Variants in MYO10 observed in about 807,000 individuals in gnomAD.
MYO10 encodes the protein unconventional myosin-X.
Under a neutral mutation model 257.3 loss-of-function variants are expected in MYO10, and 133 were observed. That is an observed-to-expected ratio of 0.52 (90% CI 0.45 to 0.60). The LOEUF (loss-of-function observed/expected upper bound fraction) is 0.60, where lower values mean the gene tolerates loss of function less well. Ranked by LOEUF, MYO10 falls within the 20% of genes least tolerant of loss-of-function variation. The pLI is 0.00. For missense variants in MYO10, 2,399 were observed against 2,635.7 expected (o/e 0.91, Z 1.97); for synonymous variants, 1,104 against 1,028.6 (o/e 1.07, Z -1.40).
chr5:16,915,277 T>C (rs1745783263), intron 1 of MYO10, among the ~76,000 whole-genome samples: 1 of 152,212 alleles, frequency 6.6e-6, no homozygotes, highest in Non-Finnish European at 1.5e-5. Flanking sequence ...AGTTCATCTC[T>C]ACATGAGATT....
intron 2 of MYO10, among the ~76,000 whole-genome samples, chr5:16,823,320 C>T (rs780655102): frequency 2.2e-4 from 32 of 147,562 alleles, no homozygotes; most frequent in Non-Finnish European, 3.4e-4. Context: ...TGGCACGTGA[C>T]GGTAATCCCA....
intron 19 of MYO10, among the ~76,000 whole-genome samples, chr5:16,754,145 A>C (rs1229678192): frequency 6.6e-6 from 1 of 152,228 alleles, no homozygotes; most frequent in East Asian, 1.9e-4. Context: ...AATCAAAATA[A>C]TTTAAATGTA....
intron 1 of MYO10, among the ~76,000 whole-genome samples, chr5:16,919,057 C>T (rs1479407412): frequency 1.3e-5 from 2 of 152,086 alleles, no homozygotes; most frequent in African/African-American, 4.8e-5. Context: ...GATTTCCACA[C>T]AGTCTCTATT....
At chr5:16,874,039 A>G (rs916759585) in intron 2 of MYO10, among the ~76,000 whole-genome samples, 6 of 152,312 alleles carry the variant, frequency 3.9e-5, no homozygotes, top group Admixed American at 6.5e-5. Flanking sequence ...TTCTCCCCAG[A>G]AAATGGGATT....
At chr5:16,874,104 G>A (rs952214832) in intron 2 of MYO10, among the ~76,000 whole-genome samples, 26 of 152,092 alleles carry the variant, frequency 1.7e-4, no homozygotes, top group African/African-American at 5.8e-4. Context: ...GGAGGCCAAC[G>A]TGGGTGGATC....
intron 2 of MYO10, among the ~76,000 whole-genome samples, chr5:16,867,489 G>A (rs1021222848): frequency 6.6e-6 from 1 of 152,030 alleles, no homozygotes; most frequent in African/African-American, 2.4e-5. Flanking sequence ...GGGGAGGGGG[G>A]AGCAAAAGAA....
At chr5:16,901,017 C>A (rs1368723618) in intron 1 of MYO10, among the ~76,000 whole-genome samples, 1 of 152,112 alleles carries the variant, frequency 6.6e-6, no homozygotes, top group African/African-American at 2.4e-5. Context: ...TGGCATGAGC[C>A]ACCACGCCTG....
Position 16,754,850 on chromosome 5 carries a change from C to G in MYO10, c.1907G>C (p.Cys636Ser). The G allele has an allele frequency of 6.2e-7, 1 of 1,603,800 alleles. No individual in the cohort carries two copies. Among genetic ancestry groups the G allele is most frequent in the Non-Finnish European group, 8.5e-7 (1 of 1,173,458 alleles). ...TACCTTCTGCATGTTTGGCTTGATA[C>G]AGCGAACAAAGAAAGGATTAGAGGA... ...LSSSNPFFVR[C>S]IKPNMQKMPD... is the part of the protein sequence containing the mutation. Residue 636 changes from cysteine to serine, a missense_variant, in exon 19 of 41, where the codon TGT becomes TCT. Cys to Ser is a moderately radical substitution (Grantham distance 112). Transcript: ENST00000513610.
At chr5:16,741,464 T>C (rs1740015426) in intron 19 of MYO10, among the ~76,000 whole-genome samples, 1 of 152,126 alleles carries the variant, frequency 6.6e-6, no homozygotes, top group African/African-American at 2.4e-5. Flanking sequence ...GAAAAATACT[T>C]TGGAAAAAAT....
At chr5:16,796,211 C>CG (rs1390008021) in intron 3 of MYO10, among the ~76,000 whole-genome samples, 2 of 110,974 alleles carry the variant, frequency 1.8e-5, no homozygotes, top group East Asian at 5.5e-4. Flanking sequence ...AAAGAAAGAA[C>CG]AGAGAGAGAG....
intron 1 of MYO10, among the ~76,000 whole-genome samples, chr5:16,907,357 AC>A (rs1480904795): frequency 1.3e-5 from 2 of 152,124 alleles, no homozygotes; most frequent in Admixed American, 6.6e-5. Context: ...AACAAAGGAA[AC>A]CAAAAATAAT....
intron 17 of MYO10, 118 bp from the exon 18 acceptor site, chr5:16,758,344 T>C: frequency 1.4e-6 from 1 of 717,768 alleles, no homozygotes; most frequent in South Asian, 1.7e-5. Context: ...ACCCTAGGCC[T>C]GGAAGAACTA....
At position 16,821,927 on chromosome 5, in the gene MYO10, A is replaced by G. The variant is rs1274874724; in HGVS notation, c.121-3760T>C. ...CAGAAGGCTAGGAAGAGGGGGAAAA[A>G]AAAAAGCATTATTTCAAGATACAGG... On this transcript the variant is annotated intron_variant, in intron 2 of 40. Transcript: ENST00000513610. Among the ~76,000 whole-genome samples, 4 of 152,090 alleles carry G rather than the reference A, an allele frequency of 2.6e-5. No homozygotes were observed. The East Asian group carries it at 7.7e-4, about 29-fold the overall frequency.
chr5:16,700,439 G>A (rs1737990995), intron 25 of MYO10, among the ~76,000 whole-genome samples: 1 of 152,204 alleles, frequency 6.6e-6, no homozygotes, highest in African/African-American at 2.4e-5. Context: ...CACTTTGGGG[G>A]TCCGAGGCAG....
chr5:16,837,250 C>T (rs1743342702), intron 2 of MYO10, among the ~76,000 whole-genome samples: 2 of 151,934 alleles, frequency 1.3e-5, no homozygotes, highest in Non-Finnish European at 1.5e-5. Flanking sequence ...GCACAGGTTG[C>T]GGTGAGCCAA....
chr5:16,769,999 C>T (rs940500861), intron 9 of MYO10, among the ~76,000 whole-genome samples: 1 of 151,910 alleles, frequency 6.6e-6, no homozygotes, highest in Admixed American at 6.6e-5. Flanking sequence ...AACTCCTGGC[C>T]TCAAGCAATC....
intron 19 of MYO10, chr5:16,741,857 T>G: frequency 1.0e-6 from 1 of 985,450 alleles, no homozygotes; most frequent in Non-Finnish European, 1.2e-6. Flanking sequence ...AGCTGCATCT[T>G]TAGCAGTCCG....
chr5:16,670,595 C>G lies in MYO10; in HGVS notation c.5814G>C (p.Gln1938His). 1 of 1,614,006 alleles carries G rather than the reference C, an allele frequency of 6.2e-7. No homozygotes were observed. The highest frequency in any genetic ancestry group is 2.2e-5 in the East Asian group (1 of 44,866). The stretch of plus-strand genomic sequence containing the variant: ...TCAAGGCCATGTACTTGGCCATGGC[C>G]TGTTCCTGGTTCATTCCCTGAAATT... ...WRKFQGMNQEQAMAKYMALIK... is the reference protein window; with the variant it reads ...WRKFQGMNQEHAMAKYMALIK... The change falls in exon 39 of 41, where the codon CAG (glutamine) becomes CAC (histidine). Residue 1938 changes from glutamine (Q) to histidine (H), a missense_variant. Gln to His is a conservative substitution (Grantham distance 24). Transcript: ENST00000513610.
chr5:16,682,621 T>G (rs562308527), intron 30 of MYO10, among the ~76,000 whole-genome samples: 1 of 152,142 alleles, frequency 6.6e-6, no homozygotes, highest in Non-Finnish European at 1.5e-5. Context: ...CTTGCTAATA[T>G]AAATACTAAC....
Sources: allele counts gnomAD v4.1 joint callset (sites outside exome capture counted in the v4.1 genomes callset), GRCh38; gene constraint gnomAD v4.1.1; transcripts MANE v1.5; gene names NCBI Gene and HGNC (gene_info 2026-07-23, HGNC 2026-07-21).